IL1RAPL1: variants seen among roughly 807,000 people sequenced by gnomAD.
IL1RAPL1 encodes interleukin 1 receptor accessory protein like 1.
IL1RAPL1 carries 3 observed loss-of-function variants against 48.4 expected under a neutral mutation model. The observed-to-expected ratio is 0.06, with a 90% CI of 0.03 to 0.16. The LOEUF is 0.16. Among genes scored for constraint, IL1RAPL1 ranks in the 10% least tolerant of loss-of-function variants. IL1RAPL1 has a pLI of 1.00. For synonymous variants in IL1RAPL1, 185 were observed against 187.7 expected (o/e 0.99, Z 0.12); for missense variants, 349 against 530.6 (o/e 0.66, Z 3.36).
chrX:28,825,939 A>AT (rs780235904), intron 2 of IL1RAPL1, among the ~76,000 whole-genome samples: 1 of 111,438 alleles, frequency 9.0e-6, no homozygotes, highest in East Asian at 2.8e-4. Flanking sequence ...AGACATTTGA[A>AT]TTTCAGCTTC....
chrX:28,709,997 G>A (rs959876563), intron 1 of IL1RAPL1, among the ~76,000 whole-genome samples: 2 of 111,552 alleles, frequency 1.8e-5, no homozygotes, highest in Non-Finnish European at 3.8e-5. Flanking sequence ...AAAAGATGGA[G>A]GCTCATCTAT....
intron 2 of IL1RAPL1, among the ~76,000 whole-genome samples, chrX:29,124,274 G>A (rs1411960509): frequency 8.9e-6 from 1 of 112,118 alleles, no homozygotes; most frequent in African/African-American, 3.2e-5. Flanking sequence ...ATAAAGAGGG[G>A]CATAGAAGGT....
At chrX:28,918,570 T>C (rs954291535) in intron 2 of IL1RAPL1, among the ~76,000 whole-genome samples, 1 of 112,240 alleles carries the variant, frequency 8.9e-6, no homozygotes, top group African/African-American at 3.2e-5. Flanking sequence ...ATCACATCCC[T>C]TTGCCAATTG....
chrX:29,027,169 A>G (rs1926503998), intron 2 of IL1RAPL1, among the ~76,000 whole-genome samples: 1 of 111,993 alleles, frequency 8.9e-6, no homozygotes, highest in Non-Finnish European at 1.9e-5. Flanking sequence ...CACTCTCCCA[A>G]AAATCCTCTG....
At chrX:29,487,176 G>A (rs374427043) in intron 5 of IL1RAPL1, among the ~76,000 whole-genome samples, 3 of 111,838 alleles carry the variant, frequency 2.7e-5, no homozygotes, top group East Asian at 5.6e-4. Context: ...AACCCTGATT[G>A]CCTTTGCCCT....
At chrX:29,917,434 A>T (rs758156048) in intron 6 of IL1RAPL1, 30 bp from the exon 7 acceptor site, 2 of 1,198,933 alleles carry the variant, frequency 1.7e-6, no homozygotes, top group African/African-American at 1.8e-5. Flanking sequence ...AAATAGTTTT[A>T]TAACACTTTT....
intron 1 of IL1RAPL1, among the ~76,000 whole-genome samples, chrX:28,694,939 G>T (rs1332044485): frequency 9.0e-6 from 1 of 111,016 alleles, no homozygotes; most frequent in Non-Finnish European, 1.9e-5. Flanking sequence ...GTTGTCTTCA[G>T]AGTCTGCTTG....
At chrX:29,194,239 A>G (rs1930402200) in intron 2 of IL1RAPL1, among the ~76,000 whole-genome samples, 1 of 112,949 alleles carries the variant, frequency 8.9e-6, no homozygotes, top group South Asian at 3.6e-4. Flanking sequence ...AAATTTAGCC[A>G]TGTAAATGCT....
intron 2 of IL1RAPL1, among the ~76,000 whole-genome samples, chrX:29,182,317 A>G (rs185172379): frequency 1.5e-4 from 17 of 112,227 alleles, no homozygotes; most frequent in Non-Finnish European, 2.4e-4. Context: ...CATCCAAAGG[A>G]AAAAATAAGT....
intron 5 of IL1RAPL1, among the ~76,000 whole-genome samples, chrX:29,578,906 G>A (rs1922865768): frequency 8.9e-6 from 1 of 111,826 alleles, no homozygotes; most frequent in Non-Finnish European, 1.9e-5. Context: ...TAATGAATGG[G>A]CAATTTGGGC....
At position 28,715,615 on chromosome X, in the gene IL1RAPL1, C is replaced by T. The variant is rs191506966; in HGVS notation, c.-24-73705C>T. ...ATAAATTCCTGGACATAGACACCCT[C>T]CCAAGACTGAACCAGGAAGAAATAG... On this transcript the variant is annotated intron_variant, in intron 1 of 10. Transcript: ENST00000378993. Among the ~76,000 whole-genome samples, 411 of 111,413 alleles carry T rather than the reference C, an allele frequency of 3.7e-3. 5 individuals are homozygous for T. Among genetic ancestry groups the T allele is most frequent in the African/African-American group, 0.013 (390 of 30,701 alleles).
chrX:29,463,759 T>TA (rs1214708193), intron 5 of IL1RAPL1, among the ~76,000 whole-genome samples: 2 of 111,900 alleles, frequency 1.8e-5, no homozygotes, highest in Non-Finnish European at 3.8e-5. Context: ...GATGTGATGT[T>TA]ATGTAACTTC....
At chrX:28,852,205 C>T (rs1393595405) in intron 2 of IL1RAPL1, among the ~76,000 whole-genome samples, 1 of 111,239 alleles carries the variant, frequency 9.0e-6, no homozygotes, top group Non-Finnish European at 1.9e-5. Context: ...AGACCTTTTG[C>T]AAAGAAAACC....
chrX:29,512,707 G>A (rs1351954905), intron 5 of IL1RAPL1, among the ~76,000 whole-genome samples: 2 of 112,032 alleles, frequency 1.8e-5, no homozygotes, highest in Admixed American at 1.9e-4. Flanking sequence ...TTGTTACTGA[G>A]TCTCTTCCTG....
At chrX:29,612,150 C>G (rs1924115508) in intron 5 of IL1RAPL1, among the ~76,000 whole-genome samples, 1 of 111,244 alleles carries the variant, frequency 9.0e-6, no homozygotes, top group South Asian at 3.8e-4. Context: ...GAACCACCCT[C>G]TTCTACCCAG....
chrX:28,665,076 AACCATGTGTGTACTCCGGTAAAGC>A (rs1934861206), intron 1 of IL1RAPL1, among the ~76,000 whole-genome samples: 1 of 111,940 alleles, frequency 8.9e-6, no homozygotes, highest in Admixed American at 9.5e-5. Context: ...AAATTTTTAA[AACCATGTGTGTACTCCGGTAAAGC>A]ACAGGTATCA....
chrX:29,624,006 G>A (rs1215478403), intron 5 of IL1RAPL1, among the ~76,000 whole-genome samples: 1 of 111,873 alleles, frequency 8.9e-6, no homozygotes, highest in South Asian at 3.7e-4. Flanking sequence ...AGTCAGGTTT[G>A]CCTGCATCAG....
At chrX:29,830,292 T>C (rs188357185) in intron 6 of IL1RAPL1, among the ~76,000 whole-genome samples, 136 of 111,827 alleles carry the variant, frequency 1.2e-3, no homozygotes, top group Non-Finnish European at 4.0e-4. Flanking sequence ...ATGAATCTCA[T>C]TGGGTGAGCA....
chrX:29,084,917 T>C (rs1927921267), intron 2 of IL1RAPL1, among the ~76,000 whole-genome samples: 1 of 112,070 alleles, frequency 8.9e-6, no homozygotes, highest in Non-Finnish European at 1.9e-5. Flanking sequence ...GGTCCCGAAC[T>C]CCTGACCTCA....
Sources: allele counts gnomAD v4.1 joint callset (sites outside exome capture counted in the v4.1 genomes callset), GRCh38; gene constraint gnomAD v4.1.1; transcripts MANE v1.5; gene names NCBI Gene and HGNC (gene_info 2026-07-23, HGNC 2026-07-21).